The following OPRL1 variants were observed in gnomAD, a reference collection of about 807,000 sequenced individuals.
OPRL1 encodes the protein nociceptin receptor.
OPRL1 carries 5 observed loss-of-function variants against 15.5 expected under a neutral mutation model. The ratio of observed to expected loss-of-function variants is 0.32; its 90% CI spans 0.17 to 0.68. The LOEUF is 0.68. Among genes scored for constraint, OPRL1 ranks in the 30% least tolerant of loss-of-function variants. OPRL1 has a pLI of 0.72. For synonymous variants in OPRL1, 223 were observed against 230.2 expected, an observed-to-expected ratio of 0.97 and a Z score of 0.28; for missense variants, 406 against 515.3, an observed-to-expected ratio of 0.79 and a Z score of 2.05.
Position 64,083,594 on chromosome 20 carries a change from C to A in OPRL1, c.-185+3242C>A. On this transcript the variant is annotated intron_variant, in intron 1 of 4. Transcript: ENST00000336866. This position sits in a 1 kb window ranked among gnomAD's most constrained non-coding sequence, Gnocchi z 4.9. Reference sequence around the variant, plus strand: ...GGGCTTGTCTGCACCTCTTGGCGGTCCAGGGGGTCCGGGATCCGCGCGGGC... The same window carrying A: ...GGGCTTGTCTGCACCTCTTGGCGGTACAGGGGGTCCGGGATCCGCGCGGGC... 1 of 1,493,162 alleles carries A rather than the reference C, an allele frequency of 6.7e-7. No individual in the cohort carries two copies. The highest frequency in any genetic ancestry group is 2.4e-5 in the Admixed American group (1 of 42,110). 92.5% of individuals were successfully genotyped at this position (1,493,162 alleles called of 1,614,324 possible). A position where few individuals can be genotyped will look rare whatever the true frequency, so the allele number is the denominator to read the frequency against.
At chr20:64,081,132 CG>C (rs2059962568) in intron 1 of OPRL1, among the ~76,000 whole-genome samples, 1 of 72,808 alleles carries the variant, frequency 1.4e-5, no homozygotes. Flanking sequence ...TGAGCGGGGG[CG>C]GGGGCCCGAA....
rs1478717332 is a variant in OPRL1, at chr20:64,092,912, A to G, written c.192A>G (p.Gly64=). 6.2e-7 allele frequency: 1 copy of G among 1,612,582 alleles called. No homozygotes were observed. The highest frequency in any genetic ancestry group is 8.5e-7 in the Non-Finnish European group (1 of 1,179,896). The change falls in exon 3 of 5, where the codon GGA becomes GGG. Residue 64 remains glycine (G), a synonymous_variant. Transcript: ENST00000336866. ...GGCTCTACCTGGCCGTGTGTGTCGGAGGGCTCCTGGGGAACTGCCTTGTCA... is the reference window on the plus strand; with the variant it reads ...GGCTCTACCTGGCCGTGTGTGTCGGGGGGCTCCTGGGGAACTGCCTTGTCA... ...IVGLYLAVCV[G]GLLGNCLVMY...
At position 64,092,950 on chromosome 20, in the gene OPRL1, T is replaced by A; in HGVS notation, c.230T>A (p.Leu77His). ...LGNCLVMYVI[L>H]RHTKMKTATN... ...AACTGCCTTGTCATGTACGTCATCC[T>A]CAGGTAGGCTGGGCCCCAAGGTTCC... Residue 77 changes from leucine (L) to histidine (H), a missense_variant, in exon 3 of 5, where the codon CTC (leucine) becomes CAC (histidine). By Grantham distance (99) the Leu-to-His change is moderately conservative. Transcript: ENST00000336866. 1 of 1,611,760 alleles carries A rather than the reference T, an allele frequency of 6.2e-7. No homozygotes were observed. Among genetic ancestry groups the A allele is most frequent in the East Asian group, 2.2e-5 (1 of 44,854 alleles).
rs1170780841 is a variant in OPRL1, at chr20:64,083,588, G to A, written c.-185+3236G>A. On this transcript the variant is annotated intron_variant, in intron 1 of 4. Coordinates refer to ENST00000336866, the MANE Select transcript of OPRL1 (RefSeq NM_182647.4). The surrounding 1 kb of genome is among the most constrained non-coding windows in gnomAD (Gnocchi z 4.9). ...CTACCGGGGCTTGTCTGCACCTCTTGGCGGTCCAGGGGGTCCGGGATCCGC... is the reference window on the plus strand; with the variant it reads ...CTACCGGGGCTTGTCTGCACCTCTTAGCGGTCCAGGGGGTCCGGGATCCGC... The A allele has an allele frequency of 6.6e-7, 1 of 1,507,430 alleles. No individual in the cohort carries two copies. 93.4% of individuals were successfully genotyped at this position (1,507,430 alleles called of 1,614,324 possible).
chr20:64,092,070 G>C lies in OPRL1; in HGVS notation c.-80G>C, dbSNP rs548423123. 79 of 153,720 alleles carry C rather than the reference G, an allele frequency of 5.1e-4. 1 individual carries two copies. In the South Asian group the frequency reaches 0.016, roughly 31 times the overall value. The allele number at this position is 153,720 out of a possible 1,614,324, so 9.5% of individuals were successfully genotyped here. ...CTGTGCTCGACTGCCAGCCGGCTGA[G>C]GGCGGGGGTCTCCACGGTGGTCCCA... On this transcript the variant is annotated 5_prime_UTR_variant, in exon 2 of 5. Coordinates refer to ENST00000336866, the MANE Select transcript of OPRL1 (RefSeq NM_182647.4).
chr20:64,080,199 G>T lies in OPRL1; in HGVS notation c.-338G>T, dbSNP rs1357811240. ...CGGAGCCGCACGGTAGTAGATGGGG[G>T]TGTGGCCGTGGCCCCCGACTCTGCT... is the stretch of plus-strand genomic sequence containing the variant. On this transcript the variant is annotated 5_prime_UTR_variant, in exon 1 of 5. Coordinates refer to ENST00000336866, the MANE Select transcript of OPRL1 (RefSeq NM_182647.4). 1.3e-5 allele frequency: 2 copies of T among 152,332 alleles called. No homozygotes were observed. Among genetic ancestry groups the T allele is most frequent in the Admixed American group, 6.5e-5 (1 of 15,294 alleles). 9.4% of individuals were successfully genotyped at this position (152,332 alleles called of 1,614,324 possible).
At position 64,097,293 on chromosome 20, in the gene OPRL1, T is replaced by C. The variant is rs528970916; in HGVS notation, c.234-509T>C. 6.6e-6 allele frequency among the ~76,000 whole-genome samples: 1 copy of C among 152,192 alleles called. No individual in the cohort carries two copies. Among genetic ancestry groups the C allele is most frequent in the African/African-American group, 2.4e-5 (1 of 41,442 alleles). ...TGTCCCCCCGTCACCATTTTCGGTC[T>C]CCATTGCTAGGCAGCAGTGTGGACT... On this transcript the variant is annotated intron_variant, in intron 3 of 4. Coordinates refer to ENST00000336866, the MANE Select transcript of OPRL1 (RefSeq NM_182647.4). The surrounding 1 kb of genome is among the most constrained non-coding windows in gnomAD (Gnocchi z 4.2).
At chr20:64,088,277 C>T (rs909049657) in intron 1 of OPRL1, among the ~76,000 whole-genome samples, 41 of 152,198 alleles carry the variant, frequency 2.7e-4, no homozygotes, top group African/African-American at 9.9e-4. Context: ...GCACATGGGC[C>T]AGGATCTGTG....
chr20:64,095,359 G>A (rs1286966331), intron 3 of OPRL1, among the ~76,000 whole-genome samples: 1 of 126,612 alleles, frequency 7.9e-6, no homozygotes, highest in African/African-American at 3.0e-5. Flanking sequence ...GGGGAGCCGG[G>A]GGATAGCATT....
intron 1 of OPRL1, among the ~76,000 whole-genome samples, chr20:64,091,628 C>A (rs2060118604): frequency 6.6e-6 from 1 of 152,090 alleles, no homozygotes; most frequent in South Asian, 2.1e-4. Flanking sequence ...GGGGTCCGGG[C>A]CAGTCTGTCC....
At chr20:64,081,438 G>T (rs1328621875) in intron 1 of OPRL1, among the ~76,000 whole-genome samples, 1 of 152,214 alleles carries the variant, frequency 6.6e-6, no homozygotes, top group African/African-American at 2.4e-5. Flanking sequence ...GGAAAATGCA[G>T]CTGTGGGCAG....
intron 1 of OPRL1, among the ~76,000 whole-genome samples, chr20:64,082,326 T>C (rs1373722587): frequency 2.0e-5 from 3 of 152,172 alleles, no homozygotes; most frequent in Non-Finnish European, 2.9e-5. Context: ...ACTTCTGAGC[T>C]CTGTATACAG....
In OPRL1 at chr20:64,085,985, C is replaced by G. The variant is rs570586704; in HGVS notation, c.-185+5633C>G. Among the ~76,000 whole-genome samples, 8 of 152,344 alleles carry G rather than the reference C, an allele frequency of 5.3e-5. No homozygotes were observed. In the South Asian group the frequency reaches 1.7e-3, roughly 32 times the overall value. ...GGCCCTTCCTGGTGCTGTTCCCTCC[C>G]CTCCTGCAGGTGCCTTTGGGGTCCT... On this transcript the variant is annotated intron_variant, in intron 1 of 4. Coordinates refer to ENST00000336866, the MANE Select transcript of OPRL1 (RefSeq NM_182647.4).
chr20:64,098,999 C>A lies in OPRL1; in HGVS notation c.*200C>A. ...AGTGACATCATGGGACAGGTCAAAG[C>A]ATTAGGGCCACCTCCATGGCCCCAG... On this transcript the variant is annotated 3_prime_UTR_variant, in exon 5 of 5. Transcript: ENST00000336866. 1 of 710,922 alleles carries A rather than the reference C, an allele frequency of 1.4e-6. No homozygotes were observed. The highest frequency in any genetic ancestry group is 2.3e-6 in the Non-Finnish European group (1 of 442,176). 44.0% of individuals were successfully genotyped at this position (710,922 alleles called of 1,614,324 possible). A position where few individuals can be genotyped will look rare whatever the true frequency, so the allele number is the denominator to read the frequency against.
chr20:64,088,187 G>A (rs2060069868), intron 1 of OPRL1, among the ~76,000 whole-genome samples: 1 of 152,254 alleles, frequency 6.6e-6, no homozygotes, highest in African/African-American at 2.4e-5. Context: ...AGGGCTGGGG[G>A]TCCTGGGGTA....
intron 1 of OPRL1, chr20:64,084,071 C>T (rs2060010172): frequency 6.7e-7 from 1 of 1,496,548 alleles, no homozygotes; most frequent in Non-Finnish European, 8.8e-7. Context: ...GGCCGCCAGT[C>T]CCTGCGGCGT....
At chr20:64,086,445 G>T (rs2060052015) in intron 1 of OPRL1, 1 of 194,482 alleles carries the variant, frequency 5.1e-6, no homozygotes, top group Admixed American at 4.8e-5. Context: ...TGTGTGTTTG[G>T]GGTCCAGCAA....
intron 1 of OPRL1, among the ~76,000 whole-genome samples, chr20:64,086,262 ATTC>A (rs1335420793): frequency 1.3e-5 from 2 of 152,180 alleles, no homozygotes; most frequent in African/African-American, 4.8e-5. Flanking sequence ...GTAGGGGAAT[ATTC>A]TTCTGTTCTG....
At chr20:64,091,657 G>A (rs1239088899) in intron 1 of OPRL1, among the ~76,000 whole-genome samples, 1 of 152,160 alleles carries the variant, frequency 6.6e-6, no homozygotes, top group African/African-American at 2.4e-5. Flanking sequence ...GTCTCCGTGT[G>A]AGTCGTGGTC....
Sources: allele counts gnomAD v4.1 joint callset (sites outside exome capture counted in the v4.1 genomes callset), GRCh38; gene constraint gnomAD v4.1.1; non-coding constraint Gnocchi (gnomAD v3.1); transcripts MANE v1.5; gene names NCBI Gene and HGNC (gene_info 2026-07-23, HGNC 2026-07-21).